Variants in FAT3 observed in about 807,000 individuals in gnomAD.
FAT3 encodes the protein FAT atypical cadherin 3, also known as protocadherin Fat 3.
FAT3 carries 95 observed loss-of-function variants against 310.2 expected under a neutral mutation model. That is an observed-to-expected ratio of 0.31 (90% CI 0.26 to 0.36). The LOEUF (loss-of-function observed/expected upper bound fraction) is 0.36. FAT3 is among the 10% of genes least tolerant of loss of function. FAT3 has a pLI of 1.00. For synonymous variants in FAT3, 2,314 were observed against 2,192.9 expected (o/e 1.06, Z -1.54); for missense variants, 5,408 against 5,715.6 (o/e 0.95, Z 1.74).
Position 92,254,533 on chromosome 11 carries a change from T to C in FAT3, c.-18+29359T>C, listed in dbSNP as rs146123368. Among the ~76,000 whole-genome samples, 31 of 152,230 alleles carry C rather than the reference T, an allele frequency of 2.0e-4. No individual in the cohort carries two copies. The East Asian group carries it at 5.4e-3, about 27-fold the overall frequency. ...AGGACATTTTTATATATTAAAACTT[T>C]CAAATCATTAGGTAGTGGGGAGACT... On this transcript the variant is annotated intron_variant, in intron 1 of 27. Transcript: ENST00000525166.
chr11:92,520,656 G>T (rs940179618), intron 2 of FAT3, among the ~76,000 whole-genome samples: 2 of 152,042 alleles, frequency 1.3e-5, no homozygotes. Context: ...ACTATCATTA[G>T]CTATAAGAGG....
intron 3 of FAT3, among the ~76,000 whole-genome samples, chr11:92,588,324 C>A (rs1372699523): frequency 2.0e-5 from 3 of 151,750 alleles, no homozygotes; most frequent in Non-Finnish European, 4.4e-5. Flanking sequence ...TGTTCCAGGG[C>A]AGAGATGAAT....
chr11:92,821,360 T>G (rs938761694), intron 13 of FAT3, among the ~76,000 whole-genome samples: 2 of 152,334 alleles, frequency 1.3e-5, no homozygotes, highest in African/African-American at 4.8e-5. Flanking sequence ...TTTCAGCCTG[T>G]TTTCTCTTAA....
chr11:92,673,043 A>C (rs1331698543), intron 3 of FAT3, among the ~76,000 whole-genome samples: 2 of 152,226 alleles, frequency 1.3e-5, no homozygotes, highest in Non-Finnish European at 2.9e-5. Flanking sequence ...CTAACAGTTA[A>C]TAATTCTTAT....
chr11:92,259,643 C>T (rs1425152953), intron 1 of FAT3, among the ~76,000 whole-genome samples: 1 of 152,096 alleles, frequency 6.6e-6, no homozygotes, highest in African/African-American at 2.4e-5. Flanking sequence ...TGTGTTTGTG[C>T]TCAGAACTTA....
intron 3 of FAT3, among the ~76,000 whole-genome samples, chr11:92,682,671 TA>T (rs1943513668): frequency 6.6e-6 from 1 of 152,196 alleles, no homozygotes; most frequent in African/African-American, 2.4e-5. Context: ...TGGGAAGTAG[TA>T]CTGAAACTTT....
intron 1 of FAT3, among the ~76,000 whole-genome samples, chr11:92,351,888 T>G (rs1318217356): frequency 6.6e-6 from 1 of 152,224 alleles, no homozygotes; most frequent in Non-Finnish European, 1.5e-5. Context: ...AAAACAATTC[T>G]TACAAGATTG....
chr11:92,406,445 T>C (rs1348044560), intron 2 of FAT3, among the ~76,000 whole-genome samples: 2 of 152,228 alleles, frequency 1.3e-5, no homozygotes, highest in Non-Finnish European at 2.9e-5. Flanking sequence ...TCTCTGATTG[T>C]ATTTTTAGCA....
At chr11:92,654,783 C>G (rs1591570293) in intron 3 of FAT3, among the ~76,000 whole-genome samples, 1 of 152,306 alleles carries the variant, frequency 6.6e-6, no homozygotes, top group Non-Finnish European at 1.5e-5. Flanking sequence ...TTCCACATAG[C>G]AGCTAAAGTA....
chr11:92,670,038 A>G (rs1268205346), intron 3 of FAT3, among the ~76,000 whole-genome samples: 1 of 152,222 alleles, frequency 6.6e-6, no homozygotes, highest in African/African-American at 2.4e-5. Context: ...CAAATGGCAC[A>G]AAAATTATTC....
chr11:92,653,583 A>G (rs537708168), intron 3 of FAT3, among the ~76,000 whole-genome samples: 83 of 152,020 alleles, frequency 5.5e-4, no homozygotes, highest in Admixed American at 9.8e-4. Flanking sequence ...GACACCCAGA[A>G]CTCCCTTTAC....
intron 7 of FAT3, among the ~76,000 whole-genome samples, chr11:92,787,917 A>C (rs1169569396): frequency 1.3e-5 from 2 of 152,114 alleles, no homozygotes; most frequent in Non-Finnish European, 2.9e-5. Context: ...AAAAACCTTG[A>C]TGCTCTAATT....
At chr11:92,697,287 C>A in intron 3 of FAT3, 97 bp from the exon 4 acceptor site, 3 of 969,346 alleles carry the variant, frequency 3.1e-6, no homozygotes, top group Non-Finnish European at 3.2e-6. Context: ...CAGTTCCATA[C>A]CACTTTTGCT....
chr11:92,648,532 C>T (rs931995671), intron 3 of FAT3, among the ~76,000 whole-genome samples: 2 of 152,140 alleles, frequency 1.3e-5, no homozygotes, highest in Non-Finnish European at 2.9e-5. Flanking sequence ...TGGCCTGCCT[C>T]CCTCAGAGCA....
chr11:92,373,809 C>CACAG (rs1949264065), intron 2 of FAT3, among the ~76,000 whole-genome samples: 3 of 133,630 alleles, frequency 2.2e-5, no homozygotes, highest in South Asian at 2.4e-4. Context: ...CACACACACA[C>CACAG]AGAGACATAG....
intron 1 of FAT3, among the ~76,000 whole-genome samples, chr11:92,233,510 G>A (rs1216729723): frequency 2.6e-5 from 4 of 152,178 alleles, no homozygotes. Context: ...TTAAATAAAT[G>A]TGGTGTCTGA....
chr11:92,428,560 C>G (rs1591276467), intron 2 of FAT3, among the ~76,000 whole-genome samples: 1 of 152,126 alleles, frequency 6.6e-6, no homozygotes, highest in Non-Finnish European at 1.5e-5. Flanking sequence ...TTAGCTGTGT[C>G]CCAGAGATTC....
intron 4 of FAT3, among the ~76,000 whole-genome samples, chr11:92,716,488 GA>G (rs547226661): frequency 2.0e-5 from 3 of 151,782 alleles, no homozygotes; most frequent in Non-Finnish European, 2.9e-5. Flanking sequence ...GAGTTTTCTG[GA>G]AAAAAATATA....
intron 2 of FAT3, among the ~76,000 whole-genome samples, chr11:92,442,018 TCCTATTGAAG>T (rs1951073707): frequency 6.7e-6 from 1 of 149,356 alleles, no homozygotes; most frequent in South Asian, 2.1e-4. Context: ...TAATGAGGTC[TCCTATTGAAG>T]CCCTAAAATA....
Sources: gnomAD v4.1 joint callset for allele counts (sites outside exome capture counted in the v4.1 genomes callset) on GRCh38, gnomAD v4.1.1 for gene constraint, MANE v1.5 for transcripts, NCBI Gene and HGNC (gene_info 2026-07-23, HGNC 2026-07-21) for gene names.